Variants in GLRA3 observed in about 807,000 individuals in gnomAD.
GLRA3 encodes the protein glycine receptor subunit alpha-3.
Under a neutral mutation model 60.4 loss-of-function variants are expected in GLRA3, and 44 were observed. That is an observed-to-expected ratio of 0.73 (90% CI 0.57 to 0.94). The LOEUF is 0.94. Ranked by LOEUF, GLRA3 falls within the 40% of genes least tolerant of loss-of-function variation. The pLI is 0.00. For synonymous variants in GLRA3, 223 were observed against 192.9 expected (o/e 1.16, Z -1.29); for missense variants, 508 against 564.6 (o/e 0.90, Z 1.02).
chr4:174,677,881 T>C (rs1332330306), intron 6 of GLRA3, among the ~76,000 whole-genome samples: 3 of 152,204 alleles, frequency 2.0e-5, no homozygotes, highest in Admixed American at 6.5e-5. Flanking sequence ...TTTCACTTGA[T>C]TACGACAATT....
intron 1 of GLRA3, among the ~76,000 whole-genome samples, chr4:174,800,611 C>T (rs376392714): frequency 2.6e-5 from 4 of 151,610 alleles, no homozygotes; most frequent in African/African-American, 9.7e-5. Context: ...ACCCCCCCCG[C>T]CAAAAAAACT....
chr4:174,822,005 A>C (rs937638773), intron 1 of GLRA3, among the ~76,000 whole-genome samples: 1 of 152,206 alleles, frequency 6.6e-6, no homozygotes, highest in Non-Finnish European at 1.5e-5. Context: ...ACATTGAATT[A>C]AACATTATGG....
At chr4:174,746,470 G>A (rs7654626) in intron 3 of GLRA3, among the ~76,000 whole-genome samples, 24,061 of 152,124 alleles carry the variant, frequency 0.16, 2,493 homozygotes, top group African/African-American at 0.3. Context: ...ATAGAGAATA[G>A]AATGATAGAT....
intron 3 of GLRA3, among the ~76,000 whole-genome samples, chr4:174,738,727 CA>C (rs1351045188): frequency 3.3e-5 from 5 of 152,210 alleles, no homozygotes; most frequent in South Asian, 2.1e-4. Context: ...ACTTTCATGA[CA>C]AAAAAATTAT....
intron 1 of GLRA3, among the ~76,000 whole-genome samples, chr4:174,813,927 C>G (rs931406816): frequency 1.3e-5 from 2 of 152,148 alleles, no homozygotes; most frequent in African/African-American, 4.8e-5. Flanking sequence ...AAGGGGTTAG[C>G]TCGTTTACTC....
At chr4:174,804,948 T>C (rs978087498) in intron 1 of GLRA3, among the ~76,000 whole-genome samples, 2 of 152,148 alleles carry the variant, frequency 1.3e-5, no homozygotes, top group Non-Finnish European at 2.9e-5. Flanking sequence ...GCCTGGTTCT[T>C]TACTGTACAC....
chr4:174,700,576 A>G (rs1385099309), intron 5 of GLRA3, among the ~76,000 whole-genome samples: 1 of 152,222 alleles, frequency 6.6e-6, no homozygotes, highest in Non-Finnish European at 1.5e-5. Context: ...ATCAAAAGCT[A>G]GAAATGGTTA....
intron 2 of GLRA3, among the ~76,000 whole-genome samples, chr4:174,767,404 A>T (rs1336701488): frequency 2.0e-5 from 3 of 150,854 alleles, no homozygotes; most frequent in African/African-American, 7.3e-5. Context: ...CATGTCTTAT[A>T]TTTTTTTTTG....
chr4:174,790,847 G>GAAAAAAAAAAA (rs1739316221), intron 1 of GLRA3, among the ~76,000 whole-genome samples: 1 of 98,010 alleles, frequency 1.0e-5, no homozygotes, highest in Non-Finnish European at 2.1e-5. Flanking sequence ...AAAAAAAAAA[G>GAAAAAAAAAAA]AAAGAAATTA....
At chr4:174,652,334 A>G (rs944467806) in intron 9 of GLRA3, among the ~76,000 whole-genome samples, 8 of 152,152 alleles carry the variant, frequency 5.3e-5, no homozygotes, top group African/African-American at 1.9e-4. Context: ...CTTTTGACTC[A>G]GAGACATTAT....
intron 1 of GLRA3, among the ~76,000 whole-genome samples, chr4:174,810,085 A>G (rs986422760): frequency 6.6e-6 from 1 of 152,204 alleles, no homozygotes; most frequent in Non-Finnish European, 1.5e-5. Context: ...GGATTCTGCA[A>G]TAAATAAAAT....
rs1180031898 is a variant in GLRA3, at chr4:174,722,706, C to T, written c.491+5769G>A. 2.4e-5 allele frequency: 4 copies of T among 165,092 alleles called. No individual in the cohort carries two copies. In the Admixed American group the frequency reaches 2.6e-4, roughly 11 times the overall value. 10.2% of individuals were successfully genotyped at this position (165,092 alleles called of 1,614,324 possible). A position where few individuals can be genotyped will look rare whatever the true frequency, so the allele number is the denominator to read the frequency against. Reference sequence around the variant, plus strand: ...TAAATATGTAAGTTCAATTAGTCGTCTTTGCAAGGACCTTCTTCTTCTTTC... The same window carrying T: ...TAAATATGTAAGTTCAATTAGTCGTTTTTGCAAGGACCTTCTTCTTCTTTC... On this transcript the variant is annotated intron_variant, in intron 4 of 9. Transcript: ENST00000274093.
chr4:174,809,576 T>C (rs192400389), intron 1 of GLRA3, among the ~76,000 whole-genome samples: 23 of 151,986 alleles, frequency 1.5e-4, no homozygotes, highest in African/African-American at 5.3e-4. Flanking sequence ...CTACTAAAAA[T>C]ACAAAAATGA....
At chr4:174,761,468 T>C (rs905082837) in intron 3 of GLRA3, among the ~76,000 whole-genome samples, 1 of 152,202 alleles carries the variant, frequency 6.6e-6, no homozygotes, top group Non-Finnish European at 1.5e-5. Context: ...CATGCATCTA[T>C]GTACACCGAC....
At position 174,811,784 on chromosome 4, in the gene GLRA3, A is replaced by G. The variant is rs918409916; in HGVS notation, c.71+16957T>C. On this transcript the variant is annotated intron_variant, in intron 1 of 9. Transcript: ENST00000274093. ...GTTTGATAACGGGTGGATCATTTGA[A>G]ACTCAATTCAAGAACATTTTCTTCC... Among the ~76,000 whole-genome samples the G allele has an allele frequency of 2.6e-5, 4 of 152,306 alleles. No individual in the cohort carries two copies. The South Asian group carries it at 6.2e-4, about 24-fold the overall frequency.
intron 3 of GLRA3, among the ~76,000 whole-genome samples, chr4:174,733,768 A>C (rs1736655504): frequency 1.3e-5 from 2 of 152,234 alleles, no homozygotes; most frequent in South Asian, 4.2e-4. Flanking sequence ...TGTCTTTCCC[A>C]CATGGCCCTG....
chr4:174,732,657 A>T (rs560925402), intron 3 of GLRA3, among the ~76,000 whole-genome samples: 12 of 152,264 alleles, frequency 7.9e-5, no homozygotes, highest in African/African-American at 2.6e-4. Flanking sequence ...ATTTCCAATG[A>T]TGAGGATGAA....
chr4:174,803,313 G>A (rs1433118624), intron 1 of GLRA3, among the ~76,000 whole-genome samples: 3 of 152,032 alleles, frequency 2.0e-5, no homozygotes, highest in East Asian at 1.9e-4. Context: ...AGACCATAAT[G>A]CAGCTAATTA....
intron 8 of GLRA3, 144 bp from the exon 9 acceptor site, chr4:174,656,931 C>A: frequency 1.9e-6 from 1 of 527,602 alleles, no homozygotes; most frequent in Non-Finnish European, 3.5e-6. Flanking sequence ...TTCACATATG[C>A]AAAGTATCTA....
Sources: gnomAD v4.1 joint callset for allele counts (sites outside exome capture counted in the v4.1 genomes callset) on GRCh38, gnomAD v4.1.1 for gene constraint, MANE v1.5 for transcripts, NCBI Gene and HGNC (gene_info 2026-07-23, HGNC 2026-07-21) for gene names.